CHD6: variants seen among roughly 807,000 people sequenced by gnomAD.
The protein encoded by CHD6 is ATP-dependent chromatin remodeler CHD6.
Under a neutral mutation model 276.9 loss-of-function variants are expected in CHD6, and 50 were observed. The observed-to-expected ratio is 0.18, with a 90% CI of 0.14 to 0.23. The LOEUF (loss-of-function observed/expected upper bound fraction) is 0.23, where lower values mean the gene tolerates loss of function less well. CHD6 is among the 10% of genes least tolerant of loss of function. The pLI is 1.00. For missense variants in CHD6, 2,564 were observed against 3,365.8 expected, an observed-to-expected ratio of 0.76 and a Z score of 5.89; for synonymous variants, 1,173 against 1,229.3, an observed-to-expected ratio of 0.95 and a Z score of 0.96.
At chr20:41,556,392 G>T (rs939992253) in intron 1 of CHD6, among the ~76,000 whole-genome samples, 1 of 148,658 alleles carries the variant, frequency 6.7e-6, no homozygotes, top group Non-Finnish European at 1.5e-5. Flanking sequence ...GCTTTCTGAA[G>T]AGCACTCAGG....
rs1243079730 is a variant in CHD6 at position 41,404,559 on chromosome 20, A to G, written c.*34T>C. 6 of 1,471,136 alleles carry G rather than the reference A, an allele frequency of 4.1e-6. No homozygotes were observed. Among genetic ancestry groups the G allele is most frequent in the Non-Finnish European group, 5.4e-6 (6 of 1,109,532 alleles). The allele number at this position is 1,471,136 out of a possible 1,614,324, so 91.1% of individuals were successfully genotyped here. On this transcript the variant is annotated 3_prime_UTR_variant, in exon 37 of 37. Transcript: ENST00000373233. ...CAAACCTTTATGGGATAAGAAACTTACAAGTCACAATAATTTCTTAAATGA... is the reference window on the plus strand; with the variant it reads ...CAAACCTTTATGGGATAAGAAACTTGCAAGTCACAATAATTTCTTAAATGA...
At chr20:41,616,716 T>C (rs2045937270) in intron 1 of CHD6, among the ~76,000 whole-genome samples, 2 of 152,256 alleles carry the variant, frequency 1.3e-5, no homozygotes, top group Admixed American at 1.3e-4. Context: ...CCTGCTCTGC[T>C]TGGCATAAAT....
In CHD6 at chr20:41,420,598, A is replaced by G; in HGVS notation, c.6037T>C (p.Tyr2013His). ...TTGAGCTCACTTCCTTCAAGAGGAT[A>G]TGTGGGGAAAACGTTTTGCCCCTCT... ...SAEGQNVFPT[Y>H]PLEGSELKSE... Residue 2013 changes from tyrosine (Y) to histidine (H), a missense_variant, in exon 31 of 37, where the codon TAT becomes CAT. Tyr to His is a moderately conservative substitution (Grantham distance 83). Transcript: ENST00000373233. 1.2e-6 allele frequency: 2 copies of G among 1,614,210 alleles called. No individual in the cohort carries two copies. Among genetic ancestry groups the G allele is most frequent in the Non-Finnish European group, 1.7e-6 (2 of 1,180,022 alleles).
rs181881667 is a variant in CHD6, at chr20:41,423,077, C to T, written c.4555+415G>A. ...TCAGGGGATATTTAAATGACAGCCA[C>T]TTACTTTCTATAGTTACAAGTCGAC... is the stretch of plus-strand genomic sequence containing the variant. On this transcript the variant is annotated intron_variant, in intron 30 of 36. Transcript: ENST00000373233. 1.3e-3 allele frequency among the ~76,000 whole-genome samples: 203 copies of T among 152,278 alleles called. 2 individuals carry two copies. The highest frequency in any genetic ancestry group is 4.7e-3 in the African/African-American group (197 of 41,540).
intron 26 of CHD6, among the ~76,000 whole-genome samples, chr20:41,439,365 A>G (rs1409323051): frequency 6.6e-6 from 1 of 152,212 alleles, no homozygotes; most frequent in East Asian, 1.9e-4. Flanking sequence ...CGGGAAAAAA[A>G]AAAAAGCTAT....
In CHD6 at chr20:41,416,567, A is replaced by T. The variant is rs368990020; in HGVS notation, c.6486+21T>A. On this transcript the variant is annotated intron_variant, in intron 33 of 36. Transcript: ENST00000373233. ...GCCCACCATTCTTTGTTTTGTGGTC[A>T]CTCCATTCTTGCCGGCTCACCTTGT... The T allele has an allele frequency of 1.0e-4, 160 of 1,593,620 alleles. 2 individuals are homozygous for T. In the South Asian group the frequency reaches 1.7e-3, roughly 17 times the overall value.
intron 17 of CHD6, among the ~76,000 whole-genome samples, chr20:41,469,036 T>C (rs1346210906): frequency 1.3e-5 from 2 of 152,066 alleles, no homozygotes; most frequent in African/African-American, 2.4e-5. Flanking sequence ...GCAAGCAATG[T>C]GGTGGCAGCA....
chr20:41,414,153 A>G (rs1037784397), intron 34 of CHD6: 1 of 152,268 alleles, frequency 6.6e-6, no homozygotes, highest in Admixed American at 6.5e-5. Context: ...GAGCAGGGAA[A>G]GAACGTGTCA....
chr20:41,615,584 C>T (rs1031065229), intron 1 of CHD6, among the ~76,000 whole-genome samples: 1 of 152,088 alleles, frequency 6.6e-6, no homozygotes, highest in African/African-American at 2.4e-5. Flanking sequence ...TTATACCAGG[C>T]GGGGAAAGGG....
chr20:41,613,876 G>C (rs1255421884), intron 1 of CHD6, among the ~76,000 whole-genome samples: 1 of 152,060 alleles, frequency 6.6e-6, no homozygotes, highest in Non-Finnish European at 1.5e-5. Context: ...ACCAGCCAAA[G>C]ACTCCCTAGG....
At chr20:41,456,772 C>G (rs904074594) in intron 18 of CHD6, among the ~76,000 whole-genome samples, 1 of 152,098 alleles carries the variant, frequency 6.6e-6, no homozygotes, top group Non-Finnish European at 1.5e-5. Flanking sequence ...ATTCTTATGC[C>G]CCCAAAGGGG....
At chr20:41,468,252 G>C (rs2042973629) in intron 17 of CHD6, among the ~76,000 whole-genome samples, 1 of 151,918 alleles carries the variant, frequency 6.6e-6, no homozygotes, top group Non-Finnish European at 1.5e-5. Flanking sequence ...TGGGATTACA[G>C]GTGCCCATCC....
intron 1 of CHD6, among the ~76,000 whole-genome samples, chr20:41,597,691 T>C (rs1292713439): frequency 6.6e-6 from 1 of 151,714 alleles, no homozygotes; most frequent in African/African-American, 2.4e-5. Flanking sequence ...CCCATCAGAG[T>C]AATGTTAAAG....
At chr20:41,439,101 T>G (rs2047814028) in intron 26 of CHD6, among the ~76,000 whole-genome samples, 1 of 152,196 alleles carries the variant, frequency 6.6e-6, no homozygotes, top group Non-Finnish European at 1.5e-5. Context: ...CTCACGCCTG[T>G]AATCCCAGTA....
intron 2 of CHD6, among the ~76,000 whole-genome samples, chr20:41,533,898 T>C (rs1409692161): frequency 2.6e-5 from 4 of 152,200 alleles, no homozygotes; most frequent in Non-Finnish European, 5.9e-5. Context: ...TTTAGCCACT[T>C]GCAAAAACCA....
chr20:41,600,698 A>C (rs1281718158), intron 1 of CHD6, among the ~76,000 whole-genome samples: 1 of 152,210 alleles, frequency 6.6e-6, no homozygotes, highest in Non-Finnish European at 1.5e-5. Context: ...AATACTTTCT[A>C]AATAACAACA....
At chr20:41,608,371 T>C (rs2045851684) in intron 1 of CHD6, among the ~76,000 whole-genome samples, 3 of 152,212 alleles carry the variant, frequency 2.0e-5, no homozygotes, top group Admixed American at 6.5e-5. Flanking sequence ...AAAATACCCA[T>C]TCTTACTAAT....
intron 1 of CHD6, among the ~76,000 whole-genome samples, chr20:41,585,424 T>TGGTTGCAGTGAGCCAAGA (rs568568784): frequency 6.7e-6 from 1 of 149,542 alleles, no homozygotes; most frequent in Non-Finnish European, 1.5e-5. Context: ...TGCTTGAACC[T>TGGTTGCAGTGAGCCAAGA]GGTTGCAGTG....
intron 22 of CHD6, among the ~76,000 whole-genome samples, chr20:41,451,485 C>A (rs1427287926): frequency 6.6e-6 from 1 of 152,122 alleles, no homozygotes; most frequent in Non-Finnish European, 1.5e-5. Flanking sequence ...CAAGAAAAGG[C>A]ACAGACAGAG....
Sources: gnomAD v4.1 joint callset for allele counts (sites outside exome capture counted in the v4.1 genomes callset) on GRCh38, gnomAD v4.1.1 for gene constraint, MANE v1.5 for transcripts, NCBI Gene and HGNC (gene_info 2026-07-23, HGNC 2026-07-21) for gene names.